SDK1: variants seen among roughly 807,000 people sequenced by gnomAD.
SDK1 encodes the protein protein sidekick-1.
A neutral mutation model predicts 245.5 loss-of-function variants in SDK1; 157 were observed. That is an observed-to-expected ratio of 0.64 (90% CI 0.56 to 0.73). SDK1 has a LOEUF of 0.73. SDK1 is among the 30% of genes least tolerant of loss of function. SDK1 has a pLI of 0.00. For missense variants in SDK1, 3,583 were observed against 3,002.3 expected (o/e 1.19, Z -4.52); for synonymous variants, 1,647 against 1,278.5 (o/e 1.29, Z -6.15).
chr7:3,856,528 C>T (rs1208246128), intron 5 of SDK1, among the ~76,000 whole-genome samples: 2 of 149,046 alleles, frequency 1.3e-5, no homozygotes, highest in East Asian at 2.0e-4. Flanking sequence ...TGGTGGCTCA[C>T]GCTTGCAATC....
intron 19 of SDK1, among the ~76,000 whole-genome samples, chr7:4,067,068 T>C (rs1273988394): frequency 6.6e-6 from 1 of 152,210 alleles, no homozygotes; most frequent in African/African-American, 2.4e-5. Flanking sequence ...CGTGTTTTCA[T>C]GTTTTATTAC....
chr7:3,679,889 C>T (rs1019578692), intron 4 of SDK1, among the ~76,000 whole-genome samples: 7 of 152,154 alleles, frequency 4.6e-5, no homozygotes, highest in African/African-American at 7.2e-5. Flanking sequence ...ATGACCCTAT[C>T]GGTCACACTT....
chr7:3,784,063 TTC>T (rs1780828444), intron 4 of SDK1, among the ~76,000 whole-genome samples: 1 of 149,848 alleles, frequency 6.7e-6, no homozygotes, highest in African/African-American at 2.5e-5. Context: ...TAAATTTATT[TTC>T]TTTTTCTTTT....
At chr7:4,173,069 G>A (rs1011761255) in intron 32 of SDK1, among the ~76,000 whole-genome samples, 5 of 152,204 alleles carry the variant, frequency 3.3e-5, no homozygotes, top group African/African-American at 9.6e-5. Flanking sequence ...CTGTGGCTCC[G>A]CCCAGGGAGC....
chr7:4,237,059 C>T (rs1252768539), intron 41 of SDK1, among the ~76,000 whole-genome samples: 1 of 151,836 alleles, frequency 6.6e-6, no homozygotes, highest in Non-Finnish European at 1.5e-5. Flanking sequence ...GGTGTGCCAC[C>T]ATACCTTGTT....
chr7:3,907,486 C>G (rs937234392), intron 5 of SDK1, among the ~76,000 whole-genome samples: 1 of 152,190 alleles, frequency 6.6e-6, no homozygotes, highest in Admixed American at 6.5e-5. Flanking sequence ...CATTATCTGA[C>G]ATACCACACT....
chr7:4,013,521 A>C (rs1786151399), intron 16 of SDK1, among the ~76,000 whole-genome samples: 1 of 152,192 alleles, frequency 6.6e-6, no homozygotes, highest in Non-Finnish European at 1.5e-5. Context: ...AATTTCTTAG[A>C]TAAATGTGAG....
intron 4 of SDK1, among the ~76,000 whole-genome samples, chr7:3,754,910 C>T (rs1056033432): frequency 3.3e-5 from 5 of 152,124 alleles, no homozygotes; most frequent in South Asian, 2.1e-4. Context: ...TTCTAATGTT[C>T]GTTTGTTACG....
chr7:3,587,538 C>G (rs1042653328), intron 1 of SDK1, among the ~76,000 whole-genome samples: 40 of 152,252 alleles, frequency 2.6e-4, no homozygotes, highest in African/African-American at 8.9e-4. Flanking sequence ...ATGTCCCCGA[C>G]TGAGCTGTCA....
chr7:4,078,541 C>A (rs957903956), intron 21 of SDK1, among the ~76,000 whole-genome samples: 1 of 152,142 alleles, frequency 6.6e-6, no homozygotes, highest in Non-Finnish European at 1.5e-5. Flanking sequence ...TTCAAACACC[C>A]CAAGCAACAG....
At chr7:3,680,373 G>T (rs1784061593) in intron 4 of SDK1, among the ~76,000 whole-genome samples, 1 of 152,126 alleles carries the variant, frequency 6.6e-6, no homozygotes, top group Admixed American at 6.5e-5. Context: ...CTTTGTCGTG[G>T]TAGGACAGTC....
intron 4 of SDK1, among the ~76,000 whole-genome samples, chr7:3,817,587 C>G (rs1344516291): frequency 6.6e-6 from 1 of 152,202 alleles, no homozygotes; most frequent in East Asian, 1.9e-4. Context: ...AGTATCACAT[C>G]CCTGAAGGCA....
Position 4,265,470 on chromosome 7 carries a change from G to C in SDK1, c.*86G>C. ...TAAGACAATCAACTCCAATAACTGA[G>C]CTGAAGTTTTTGTTTAAAAAGAAAA... is the stretch of plus-strand genomic sequence containing the variant. On this transcript the variant is annotated 3_prime_UTR_variant, in exon 45 of 45. Coordinates refer to ENST00000404826, the MANE Select transcript of SDK1 (RefSeq NM_152744.4). 3 of 1,371,938 alleles carry C rather than the reference G, an allele frequency of 2.2e-6. No individual in the cohort carries two copies. Among genetic ancestry groups the C allele is most frequent in the Non-Finnish European group, 2.8e-6 (3 of 1,070,608 alleles). The allele number at this position is 1,371,938 out of a possible 1,614,324, so 85.0% of individuals were successfully genotyped here.
chr7:4,061,133 T>G (rs1006551230), intron 19 of SDK1, among the ~76,000 whole-genome samples: 24 of 151,986 alleles, frequency 1.6e-4, no homozygotes, highest in African/African-American at 5.1e-4. Context: ...GGGCTCTTTT[T>G]TGGTTCCATA....
At chr7:3,796,080 C>G (rs375370538) in intron 4 of SDK1, among the ~76,000 whole-genome samples, 24 of 152,160 alleles carry the variant, frequency 1.6e-4, no homozygotes, top group African/African-American at 5.8e-4. Flanking sequence ...CTTTCTTTGG[C>G]TCTCTTGATT....
chr7:3,444,590 C>G (rs1376380728), intron 1 of SDK1, among the ~76,000 whole-genome samples: 1 of 152,292 alleles, frequency 6.6e-6, no homozygotes, highest in East Asian at 1.9e-4. Context: ...TGGACACACT[C>G]TTCTGTTGTT....
At position 4,223,323 on chromosome 7, in the gene SDK1, G is replaced by A. The variant is rs532471379; in HGVS notation, c.5827+1959G>A. Among the ~76,000 whole-genome samples, 99 of 152,338 alleles carry A rather than the reference G, an allele frequency of 6.5e-4. No homozygotes were observed. The Middle Eastern group carries it at 0.01, about 16-fold the overall frequency. On this transcript the variant is annotated intron_variant, in intron 40 of 44. Coordinates refer to ENST00000404826, the MANE Select transcript of SDK1 (RefSeq NM_152744.4). ...TGTAATTATGGATGCAGGCACATTCGTTATCCAGGGCTGCCTTAGCAAAGT... is the reference window on the plus strand; with the variant it reads ...TGTAATTATGGATGCAGGCACATTCATTATCCAGGGCTGCCTTAGCAAAGT...
At chr7:3,761,052 T>C (rs1167135165) in intron 4 of SDK1, among the ~76,000 whole-genome samples, 2 of 152,150 alleles carry the variant, frequency 1.3e-5, no homozygotes, top group Non-Finnish European at 2.9e-5. Context: ...TTCACTTGAG[T>C]TAGATACGTA....
chr7:3,411,446 G>A (rs141425835), intron 1 of SDK1, among the ~76,000 whole-genome samples: 187 of 152,248 alleles, frequency 1.2e-3, no homozygotes, highest in Non-Finnish European at 1.9e-3. Context: ...ACTGAAATTT[G>A]GGGTGTAGAT....
Sources: allele counts gnomAD v4.1 joint callset (sites outside exome capture counted in the v4.1 genomes callset), GRCh38; gene constraint gnomAD v4.1.1; transcripts MANE v1.5; gene names NCBI Gene and HGNC (gene_info 2026-07-23, HGNC 2026-07-21).